MACROD1: variants seen among roughly 807,000 people sequenced by gnomAD.
MACROD1 encodes the protein ADP-ribose glycohydrolase MACROD1.
Under a neutral mutation model 41.4 loss-of-function variants are expected in MACROD1, and 31 were observed. The ratio of observed to expected loss-of-function variants is 0.75; its 90% confidence interval spans 0.56 to 1.01. MACROD1 has a LOEUF of 1.01. Among genes scored for constraint, MACROD1 ranks in the 50% least tolerant of loss-of-function variants. The pLI is 0.00. For missense variants in MACROD1, 473 were observed against 460.0 expected (o/e 1.03, Z -0.26); for synonymous variants, 252 against 203.4 (o/e 1.24, Z -2.03).
chr11:64,051,365 C>T (rs559779498), intron 3 of MACROD1, among the ~76,000 whole-genome samples: 52 of 152,242 alleles, frequency 3.4e-4, no homozygotes, highest in African/African-American at 9.9e-4. Flanking sequence ...CGTGTGGTCA[C>T]GAGCTAGAGA....
At chr11:64,028,533 G>T (rs946135890) in intron 3 of MACROD1, among the ~76,000 whole-genome samples, 1 of 152,068 alleles carries the variant, frequency 6.6e-6, no homozygotes, top group Non-Finnish European at 1.5e-5. Context: ...CCATTGGTAT[G>T]CGAGGCCCGG....
At chr11:64,051,251 G>A (rs1005206240) in intron 3 of MACROD1, among the ~76,000 whole-genome samples, 18 of 152,246 alleles carry the variant, frequency 1.2e-4, no homozygotes, top group Admixed American at 4.6e-4. Context: ...ACCCCACGTA[G>A]GTGCCCAATC....
intron 4 of MACROD1, among the ~76,000 whole-genome samples, chr11:64,003,069 G>A (rs569303766): frequency 5.3e-5 from 8 of 152,186 alleles, no homozygotes; most frequent in Non-Finnish European, 1.2e-4. Context: ...GCCCACTTGG[G>A]TGGCGGGACC....
chr11:64,097,222 G>A (rs950271067), intron 3 of MACROD1, among the ~76,000 whole-genome samples: 12 of 152,228 alleles, frequency 7.9e-5, no homozygotes, highest in African/African-American at 2.7e-4. Flanking sequence ...GAAAGTACAG[G>A]GAGGGACTGC....
intron 3 of MACROD1, among the ~76,000 whole-genome samples, chr11:64,132,223 G>A (rs1475975715): frequency 6.6e-6 from 1 of 152,158 alleles, no homozygotes; most frequent in Non-Finnish European, 1.5e-5. Context: ...AGTGGTCCCG[G>A]GAGGAGAGCT....
intron 3 of MACROD1, among the ~76,000 whole-genome samples, chr11:64,055,402 G>T (rs951543032): frequency 6.6e-6 from 1 of 152,230 alleles, no homozygotes; most frequent in Non-Finnish European, 1.5e-5. Flanking sequence ...AAACGATGGG[G>T]GATGGGTGCT....
At chr11:64,020,005 G>C (rs562998421) in intron 3 of MACROD1, among the ~76,000 whole-genome samples, 1 of 152,302 alleles carries the variant, frequency 6.6e-6, no homozygotes, top group South Asian at 2.1e-4. Flanking sequence ...GCTGGGCACA[G>C]TAGACACGTG....
chr11:64,134,226 G>A (rs113200766), intron 3 of MACROD1, among the ~76,000 whole-genome samples: 4 of 152,270 alleles, frequency 2.6e-5, no homozygotes, highest in African/African-American at 9.6e-5. Context: ...AGCCAGGGCC[G>A]CCCAGCTCTG....
At chr11:64,156,781 G>A (rs1049461590) in intron 1 of MACROD1, among the ~76,000 whole-genome samples, 2 of 152,134 alleles carry the variant, frequency 1.3e-5, no homozygotes, top group Admixed American at 6.5e-5. Flanking sequence ...CTGGCTGGGC[G>A]CCGACCTTGA....
At chr11:64,117,410 G>C (rs371386706) in intron 3 of MACROD1, 13 of 1,612,172 alleles carry the variant, frequency 8.1e-6, no homozygotes, top group Non-Finnish European at 1.1e-5. Flanking sequence ...GTTTTGAGAC[G>C]GGGCCGCAGG....
chr11:64,004,629 A>C lies in MACROD1; in HGVS notation c.548-4286T>G, dbSNP rs551219103. On this transcript the variant is annotated intron_variant, in intron 4 of 10. Transcript: ENST00000255681. ...TCTCTGCTCCCCCATTCCCCCTACCATCCCGTGGGGCTGGCCCACGCTGTG... is the reference window on the plus strand; with the variant it reads ...TCTCTGCTCCCCCATTCCCCCTACCCTCCCGTGGGGCTGGCCCACGCTGTG... 3.3e-5 allele frequency among the ~76,000 whole-genome samples: 5 copies of C among 151,992 alleles called. No homozygotes were observed. The South Asian group carries it at 1.0e-3, about 32-fold the overall frequency.
intron 3 of MACROD1, among the ~76,000 whole-genome samples, chr11:64,149,558 C>T (rs1347439936): frequency 6.6e-6 from 1 of 152,248 alleles, no homozygotes; most frequent in Admixed American, 6.5e-5. Context: ...CTGAACCCAT[C>T]AACACCCCAC....
rs758339227 is a variant in MACROD1 at position 63,999,728 on chromosome 11, C to T, written c.700G>A (p.Glu234Lys). Residue 234 changes from glutamate (E) to lysine (K), a missense_variant, in exon 6 of 11, where the codon GAG (glutamate) becomes AAG (lysine). Physicochemically the swap from Glu to Lys is moderately conservative, Grantham distance 56. Transcript: ENST00000255681. ...TCGGCAGCCTGACTGGCGCTGGGCT[C>T]CCCGTAGGCGATGGGCCCCACTGTG... Reference protein sequence around the residue: ...IHTVGPIAYGEPSASQAAELR... With the variant: ...IHTVGPIAYGKPSASQAAELR... 3 of 1,607,966 alleles carry T rather than the reference C, an allele frequency of 1.9e-6. No homozygotes were observed. Among genetic ancestry groups the T allele is most frequent in the Non-Finnish European group, 2.5e-6 (3 of 1,179,464 alleles).
Position 64,157,143 on chromosome 11 carries a change from A to G in MACROD1, c.299-4750T>C, listed in dbSNP as rs1350349538. On this transcript the variant is annotated intron_variant, in intron 1 of 10. Transcript: ENST00000255681. Reference sequence around the variant, plus strand: ...AGTCTCACTCTGTCACCCAGGCTGGAGTGCAGTGGCACGATCTCGGCTCAC... The same window carrying G: ...AGTCTCACTCTGTCACCCAGGCTGGGGTGCAGTGGCACGATCTCGGCTCAC... 2.0e-5 allele frequency among the ~76,000 whole-genome samples: 3 copies of G among 151,952 alleles called. No homozygotes were observed. The East Asian group carries it at 5.8e-4, about 29-fold the overall frequency.
At chr11:64,055,559 G>C (rs1001469353) in intron 3 of MACROD1, among the ~76,000 whole-genome samples, 1 of 152,184 alleles carries the variant, frequency 6.6e-6, no homozygotes, top group African/African-American at 2.4e-5. Context: ...TTTCCAGCAC[G>C]GAGCACAAGG....
chr11:64,086,368 G>A (rs1358305493), intron 3 of MACROD1, among the ~76,000 whole-genome samples: 1 of 152,040 alleles, frequency 6.6e-6, no homozygotes, highest in African/African-American at 2.4e-5. Context: ...TATGCATATG[G>A]TGCCCTTGTG....
At chr11:64,072,306 C>T (rs1944124151) in intron 3 of MACROD1, among the ~76,000 whole-genome samples, 1 of 152,178 alleles carries the variant, frequency 6.6e-6, no homozygotes, top group African/African-American at 2.4e-5. Flanking sequence ...AGAACTGTAG[C>T]AGCCTGTGGC....
Position 64,151,296 on chromosome 11 carries a change from T to C in MACROD1, c.460A>G (p.Ile154Val). 1 of 1,613,908 alleles carries C rather than the reference T, an allele frequency of 6.2e-7. No homozygotes were observed. Among genetic ancestry groups the C allele is most frequent in the East Asian group, 2.2e-5 (1 of 44,878 alleles). ...GTGATGTCGCTGCGGAGCAGGGAGA[T>C]TTTCTCATTGAGCTGCTTGTCCTTT... ...YKKDKQLNEKISLLRSDITKL... is the reference protein window; with the variant it reads ...YKKDKQLNEKVSLLRSDITKL... The change falls in exon 3 of 11, where the codon ATC becomes GTC. Residue 154 changes from isoleucine (I) to valine (V), a missense_variant. Coordinates refer to ENST00000255681, the MANE Select transcript of MACROD1 (RefSeq NM_014067.4).
At chr11:64,075,940 T>G (rs951940421) in intron 3 of MACROD1, among the ~76,000 whole-genome samples, 11 of 152,224 alleles carry the variant, frequency 7.2e-5, no homozygotes, top group African/African-American at 2.7e-4. Flanking sequence ...TCCCAAAGTG[T>G]TGGGATTGCA....
Sources: gnomAD v4.1 joint callset for allele counts (sites outside exome capture counted in the v4.1 genomes callset) on GRCh38, gnomAD v4.1.1 for gene constraint, MANE v1.5 for transcripts, NCBI Gene and HGNC (gene_info 2026-07-23, HGNC 2026-07-21) for gene names.